RP1: variants seen among roughly 807,000 people sequenced by gnomAD.
RP1 encodes oxygen-regulated protein 1.
In RP1, 16 loss-of-function variants were observed where a neutral mutation model predicts 14.8. That is an observed-to-expected ratio of 1.08 (90% CI 0.73 to 1.65). RP1 has a LOEUF of 1.65. Ranked by LOEUF, RP1 falls within the 40% of genes most tolerant of loss-of-function variation. RP1 has a pLI of 0.00. For missense variants in RP1, 2,631 were observed against 2,535.0 expected, an observed-to-expected ratio of 1.04 and a Z score of -0.81; for synonymous variants, 876 against 883.6, an observed-to-expected ratio of 0.99 and a Z score of 0.15.
downstream of RP1, among the ~76,000 whole-genome samples, chr8:54,631,683 T>A (rs1194575184): frequency 2.0e-5 from 3 of 151,292 alleles, no homozygotes; most frequent in Non-Finnish European, 2.9e-5. Context: ...TTTTTTTTTT[T>A]AAAGCTGATT....
chr8:54,574,146 C>T lies in RP1; in HGVS notation c.-13+14826C>T, dbSNP rs113782393. ...TGGAAAAAGTCCTGGCAATGCTGCC[C>T]GTGACAGTCTGAGGCACTACAGGGC... On this transcript the variant is annotated intron_variant, in intron 1 of 22. Transcript: ENST00000636932. 8.0e-3 allele frequency among the ~76,000 whole-genome samples: 1,216 copies of T among 152,230 alleles called. 10 individuals carry two copies. The highest frequency in any genetic ancestry group is 0.027 in the African/African-American group (1,132 of 41,552).
At chr8:54,810,818 C>A (rs1304668258) in intron 24 of RP1, among the ~76,000 whole-genome samples, 1 of 152,086 alleles carries the variant, frequency 6.6e-6, no homozygotes, top group African/African-American at 2.4e-5. Context: ...TAGAAAAGGG[C>A]ATAAAAGGTG....
chr8:54,749,887 T>C (rs2129363914), intron 19 of RP1, among the ~76,000 whole-genome samples: 1 of 149,762 alleles, frequency 6.7e-6, no homozygotes, highest in East Asian at 2.0e-4. Context: ...AAGTTAGAGG[T>C]TTTGCCTTTT....
downstream of RP1, among the ~76,000 whole-genome samples, chr8:54,634,791 T>C (rs117969960): frequency 6.6e-6 from 1 of 152,206 alleles, no homozygotes; most frequent in East Asian, 1.9e-4. Context: ...TTAGATGTAA[T>C]ATACAATGGG....
intron 1 of RP1, among the ~76,000 whole-genome samples, chr8:54,570,320 T>G (rs1056773446): frequency 1.2e-4 from 17 of 144,456 alleles, no homozygotes; most frequent in Admixed American, 1.1e-3. Flanking sequence ...TGTGAATCTT[T>G]GCTTTTATGT....
chr8:54,718,335 T>G (rs1201227653), intron 15 of RP1, among the ~76,000 whole-genome samples: 3 of 152,250 alleles, frequency 2.0e-5, no homozygotes, highest in Admixed American at 6.5e-5. Context: ...GCTATAGAAA[T>G]CAAGACAGTG....
intron 6 of RP1, chr8:54,656,249 A>C (rs1806752538): frequency 6.6e-7 from 1 of 1,522,120 alleles, no homozygotes. Flanking sequence ...AGCATGGATA[A>C]AACTTGTTTG....
chr8:54,803,574 TAA>T (rs1443868093), intron 24 of RP1, among the ~76,000 whole-genome samples: 6 of 152,156 alleles, frequency 3.9e-5, no homozygotes, highest in Non-Finnish European at 8.8e-5. Context: ...ATGATTTCCT[TAA>T]AAGAGTTGCT....
At chr8:54,734,729 C>T (rs772486869) in exon 18 of RP1, 52 of 1,530,974 alleles carry the variant, frequency 3.4e-5, no homozygotes, top group East Asian at 2.7e-4. Flanking sequence ...TTCCAGGACA[C>T]GAGGATGAGT....
intron 19 of RP1, among the ~76,000 whole-genome samples, chr8:54,751,227 T>C (rs992338143): frequency 1.3e-5 from 2 of 152,218 alleles, no homozygotes; most frequent in Non-Finnish European, 2.9e-5. Context: ...CAAACTGTTT[T>C]CCAAAAGGTG....
chr8:54,630,065 C>A lies in RP1; in HGVS notation c.6183C>A (p.Ile2061=), dbSNP rs767480400. 1.1e-5 allele frequency: 17 copies of A among 1,613,788 alleles called. No homozygotes were observed. The highest frequency in any genetic ancestry group is 1.4e-5 in the Non-Finnish European group (17 of 1,179,948). The change falls in exon 4 of 4, where the codon ATC becomes ATA. Residue 2061 remains isoleucine, a synonymous_variant. Coordinates refer to ENST00000220676, the MANE Select transcript of RP1 (RefSeq NM_006269.2). ...TQDLSGQTNE[I]FKAVDENNNL... The stretch of plus-strand genomic sequence containing the variant: ...ACCTCAGCGGTCAGACAAATGAAAT[C>A]TTTAAAGCAGTCGATGAGAATAACA...
intron 4 of RP1, chr8:54,652,731 GT>G: frequency 7.6e-7 from 1 of 1,318,318 alleles, no homozygotes. Context: ...CTGTTTTTAA[GT>G]GAATTTTGTG....
intron 24 of RP1, among the ~76,000 whole-genome samples, chr8:54,808,904 A>C (rs1810924256): frequency 6.6e-6 from 1 of 152,196 alleles, no homozygotes; most frequent in South Asian, 2.1e-4. Flanking sequence ...AGGTTTGTTA[A>C]GTTCCTTATG....
chr8:54,696,044 C>T (rs777313184), intron 12 of RP1, among the ~76,000 whole-genome samples: 8 of 152,000 alleles, frequency 5.3e-5, no homozygotes, highest in Non-Finnish European at 1.0e-4. Flanking sequence ...TAGTAAAATC[C>T]TTTTAAAAAT....
At chr8:54,753,069 CCACAGAA>C (rs1809414102) in intron 19 of RP1, among the ~76,000 whole-genome samples, 1 of 152,100 alleles carries the variant, frequency 6.6e-6, no homozygotes, top group Non-Finnish European at 1.5e-5. Flanking sequence ...ATTTTAAAGA[CCACAGAA>C]GTGGTATTCA....
chr8:54,573,078 A>G (rs940792008), intron 1 of RP1, among the ~76,000 whole-genome samples: 2 of 152,192 alleles, frequency 1.3e-5, no homozygotes, highest in African/African-American at 4.8e-5. Context: ...TGTATTGCTC[A>G]TTACAATGCT....
Position 54,841,005 on chromosome 8 carries a change from GA to G in RP1, c.3835+3343del, listed in dbSNP as rs542339607. ...GGGGAAAACATTAAAACAAGAAAAT[GA>G]AAAAAATAACACCCCAATATTCAGG... On this transcript the variant is annotated intron_variant, in intron 25 of 28. Coordinates refer to the RP1 transcript ENST00000637698. Among the ~76,000 whole-genome samples the G allele has an allele frequency of 5.9e-5, 9 of 152,096 alleles. No homozygotes were observed. In the South Asian group the frequency reaches 1.7e-3, roughly 28 times the overall value.
At chr8:54,574,823 A>G (rs971285917) in intron 1 of RP1, among the ~76,000 whole-genome samples, 3 of 152,244 alleles carry the variant, frequency 2.0e-5, no homozygotes, top group Admixed American at 1.3e-4. Context: ...GAACGAAAAA[A>G]TTGTTCCAGA....
chr8:54,840,001 G>A (rs1396293107), intron 25 of RP1, among the ~76,000 whole-genome samples: 1 of 152,008 alleles, frequency 6.6e-6, no homozygotes, highest in South Asian at 2.1e-4. Context: ...TGGTATCCAG[G>A]GATGCCCAGA....
Sources: allele counts gnomAD v4.1 joint callset (sites outside exome capture counted in the v4.1 genomes callset), GRCh38; gene constraint gnomAD v4.1.1; transcripts MANE v1.5; gene names NCBI Gene and HGNC (gene_info 2026-07-23, HGNC 2026-07-21).